DENND4A: variants seen among roughly 807,000 people sequenced by gnomAD.
DENND4A encodes C-myc promoter-binding protein.
Under a neutral mutation model 199.3 loss-of-function variants are expected in DENND4A, and 70 were observed. The ratio of observed to expected loss-of-function variants is 0.35; its 90% CI spans 0.29 to 0.43. DENND4A has a LOEUF of 0.43. DENND4A is among the 20% of genes least tolerant of loss of function. The pLI, the probability that DENND4A is intolerant of heterozygous loss-of-function variation, is 1.00. For missense variants in DENND4A, 1,723 were observed against 2,255.8 expected, an observed-to-expected ratio of 0.76 and a Z score of 4.78; for synonymous variants, 686 against 766.9, an observed-to-expected ratio of 0.89 and a Z score of 1.74.
intron 11 of DENND4A, among the ~76,000 whole-genome samples, chr15:65,724,215 C>T (rs2075733553): frequency 6.6e-6 from 1 of 151,986 alleles, no homozygotes; most frequent in African/African-American, 2.4e-5. Flanking sequence ...GGCGCGCACC[C>T]CTACAGCCTG....
chr15:65,752,127 C>CA (rs1555432462), intron 4 of DENND4A, among the ~76,000 whole-genome samples: 1 of 50,848 alleles, frequency 2.0e-5, no homozygotes, highest in African/African-American at 7.4e-5. Context: ...TTGTAGTGGG[C>CA]GGGGGGGGTG....
intron 5 of DENND4A, among the ~76,000 whole-genome samples, chr15:65,739,244 C>A (rs1203279188): frequency 1.3e-5 from 2 of 152,152 alleles, no homozygotes; most frequent in Non-Finnish European, 2.9e-5. Context: ...CATCTATCTA[C>A]TTCATCAGCT....
intron 23 of DENND4A, among the ~76,000 whole-genome samples, chr15:65,679,829 G>A (rs1286047178): frequency 1.3e-5 from 2 of 152,080 alleles, no homozygotes; most frequent in African/African-American, 2.4e-5. Context: ...GCCTGGATGG[G>A]TAATTGGAAG....
At chr15:65,741,252 T>C (rs1596570686) in intron 5 of DENND4A, among the ~76,000 whole-genome samples, 1 of 152,162 alleles carries the variant, frequency 6.6e-6, no homozygotes, top group Non-Finnish European at 1.5e-5. Flanking sequence ...ATCTGTTCTC[T>C]TGTAAATAAG....
chr15:65,767,615 T>C (rs2077020365), intron 1 of DENND4A, among the ~76,000 whole-genome samples: 1 of 152,130 alleles, frequency 6.6e-6, no homozygotes, highest in African/African-American at 2.4e-5. Context: ...CAACCAGGAA[T>C]AATTTTTAAA....
At chr15:65,744,519 C>T (rs1313743292) in intron 4 of DENND4A, among the ~76,000 whole-genome samples, 1 of 152,054 alleles carries the variant, frequency 6.6e-6, no homozygotes, top group Admixed American at 6.6e-5. Flanking sequence ...TTCCTTTCAC[C>T]ATTTTACATA....
chr15:65,758,248 C>T (rs1020412617), intron 2 of DENND4A, among the ~76,000 whole-genome samples: 1 of 152,184 alleles, frequency 6.6e-6, no homozygotes, highest in Admixed American at 6.5e-5. Flanking sequence ...AGAAAAAATA[C>T]ACAAAATAGA....
At chr15:65,718,728 C>G (rs2075495097) in intron 12 of DENND4A, among the ~76,000 whole-genome samples, 1 of 143,858 alleles carries the variant, frequency 7.0e-6, no homozygotes, top group East Asian at 2.0e-4. Context: ...AACTGCCCCC[C>G]TTTCCCTCAA....
intron 14 of DENND4A, 102 bp from the exon 15 acceptor site, chr15:65,706,326 A>C (rs1596481785): frequency 8.8e-7 from 1 of 1,140,840 alleles, no homozygotes; most frequent in African/African-American, 1.6e-5. Context: ...AATGGATACT[A>C]AACAGCTATT....
chr15:65,746,365 T>TTC (rs1567070832), intron 4 of DENND4A, among the ~76,000 whole-genome samples: 261 of 138,178 alleles, frequency 1.9e-3, no homozygotes, highest in African/African-American at 4.5e-3. Flanking sequence ...TTCTACTTTT[T>TTC]TCTCTTTTTT....
intron 8 of DENND4A, 138 bp from the exon 9 acceptor site, chr15:65,731,838 T>A: frequency 1.7e-6 from 1 of 574,670 alleles, no homozygotes; most frequent in Non-Finnish European, 3.0e-6. Context: ...GAACACTTTG[T>A]ATCACTCACT....
At chr15:65,703,312 CTT>C (rs2074937906) in intron 15 of DENND4A, among the ~76,000 whole-genome samples, 1 of 152,198 alleles carries the variant, frequency 6.6e-6, no homozygotes, top group South Asian at 2.1e-4. Flanking sequence ...AGTTAGTACT[CTT>C]GTTAATACAT....
At chr15:65,784,003 G>T (rs559210260) in intron 1 of DENND4A, among the ~76,000 whole-genome samples, 1 of 152,202 alleles carries the variant, frequency 6.6e-6, no homozygotes, top group African/African-American at 2.4e-5. Context: ...AGCTCAGCCT[G>T]GTGACCGAGG....
intron 14 of DENND4A, among the ~76,000 whole-genome samples, chr15:65,709,317 G>A (rs951457987): frequency 6.6e-6 from 1 of 152,140 alleles, no homozygotes; most frequent in Admixed American, 6.5e-5. Context: ...GGTAGTAACA[G>A]CATTGTATAA....
intron 13 of DENND4A, 87 bp downstream of exon 13, chr15:65,717,691 A>G: frequency 2.5e-6 from 3 of 1,178,368 alleles, no homozygotes; most frequent in Non-Finnish European, 3.5e-6. Flanking sequence ...ATTCTCATAA[A>G]TATGAGCTAT....
intron 20 of DENND4A, among the ~76,000 whole-genome samples, chr15:65,699,857 T>G (rs150334971): frequency 0.016 from 2,374 of 151,574 alleles, 74 homozygotes; most frequent in African/African-American, 0.054. Flanking sequence ...TTTTTGTATT[T>G]TTGTAGAGAC....
intron 23 of DENND4A, among the ~76,000 whole-genome samples, chr15:65,682,098 T>C (rs1026375104): frequency 2.6e-5 from 4 of 152,154 alleles, no homozygotes; most frequent in East Asian, 3.9e-4. Flanking sequence ...TAGATGAGCA[T>C]TGGCTTAATT....
chr15:65,756,377 A>G lies in DENND4A; in HGVS notation c.74T>C (p.Leu25Pro). The change falls in exon 3 of 33, where the codon CTA (leucine) becomes CCA (proline). Residue 25 changes from leucine (L) to proline (P), a missense_variant. Physicochemically the swap from Leu to Pro is moderately conservative, Grantham distance 98. Transcript: ENST00000443035. ...ATCATTGAAGTGAATTTCTTCTTCT[A>G]GAGGCTTTGAAACATCAGTTAATCC... The part of the protein sequence containing the change: ...VAGLTDVSKP[L>P]EEEIHFNDAC... 2.5e-6 allele frequency: 4 copies of G among 1,613,994 alleles called. No homozygotes were observed. The highest frequency in any genetic ancestry group is 2.5e-6 in the Non-Finnish European group (3 of 1,179,868).
intron 1 of DENND4A, among the ~76,000 whole-genome samples, chr15:65,770,744 T>C (rs1050122191): frequency 1.3e-5 from 2 of 152,196 alleles, no homozygotes; most frequent in African/African-American, 4.8e-5. Flanking sequence ...ATAACATTTA[T>C]TCCATCAATT....
Sources: allele counts gnomAD v4.1 joint callset (sites outside exome capture counted in the v4.1 genomes callset), GRCh38; gene constraint gnomAD v4.1.1; transcripts MANE v1.5; gene names NCBI Gene and HGNC (gene_info 2026-07-23, HGNC 2026-07-21).